Variants in SRPK2 observed in about 807,000 individuals in gnomAD.
SRPK2 encodes the protein SRSF protein kinase 2.
Under a neutral mutation model 90.8 loss-of-function variants are expected in SRPK2, and 21 were observed. The ratio of observed to expected loss-of-function variants is 0.23; its 90% CI spans 0.16 to 0.33. The LOEUF is 0.33. SRPK2 is among the 10% of genes least tolerant of loss of function. The probability of loss-of-function intolerance (pLI) is 1.00; values close to 1 mark genes in which losing one functional copy is unlikely to be tolerated. For synonymous variants in SRPK2, 288 were observed against 311.1 expected (o/e 0.93, Z 0.78); for missense variants, 620 against 869.0 (o/e 0.71, Z 3.60).
At chr7:105,315,710 A>G (rs1812231055) in intron 2 of SRPK2, among the ~76,000 whole-genome samples, 1 of 152,218 alleles carries the variant, frequency 6.6e-6, no homozygotes, top group Admixed American at 6.5e-5. Flanking sequence ...ACATAATATC[A>G]AGCTAAATAT....
At chr7:105,276,320 C>A (rs951454815) in intron 2 of SRPK2, among the ~76,000 whole-genome samples, 3 of 151,642 alleles carry the variant, frequency 2.0e-5, no homozygotes, top group Non-Finnish European at 4.4e-5. Flanking sequence ...CTCAACCGAT[C>A]CTCCCACCTT....
rs139140254 is a variant in SRPK2 at position 105,118,110 on chromosome 7, G to A, written c.1916-88C>T. 6.0e-4 allele frequency: 834 copies of A among 1,388,172 alleles called. 4 individuals are homozygous for A. The African/African-American group carries it at 7.0e-3, about 12-fold the overall frequency. 86.0% of individuals were successfully genotyped at this position (1,388,172 alleles called of 1,614,324 possible). On this transcript the variant is annotated intron_variant, in intron 15 of 15. Coordinates refer to ENST00000393651, the MANE Select transcript of SRPK2 (RefSeq NM_182692.3). ...CCAGTCAGGTTCTTTTCAGTGAAGC[G>A]GACAACCACCTGCTCAACACTTGTA...
chr7:105,294,554 T>A (rs528195670), intron 2 of SRPK2, among the ~76,000 whole-genome samples: 126 of 152,266 alleles, frequency 8.3e-4, no homozygotes, highest in African/African-American at 3.0e-3. Context: ...TTTTTTGAAA[T>A]GGAGTCTCTG....
chr7:105,218,617 C>T lies in SRPK2; in HGVS notation c.72-14832G>A, dbSNP rs538525871. ...AAAGGTTTAATGAAAAGGACCTCCA[C>T]TTATAATAAATGATGTTTCCTAAGA... On this transcript the variant is annotated intron_variant, in intron 2 of 15. Coordinates refer to ENST00000393651, the MANE Select transcript of SRPK2 (RefSeq NM_182692.3). Among the ~76,000 whole-genome samples the T allele has an allele frequency of 4.6e-5, 7 of 152,324 alleles. No individual in the cohort carries two copies. The East Asian group carries it at 1.3e-3, about 29-fold the overall frequency.
At chr7:105,243,004 G>A (rs1286332292) in intron 2 of SRPK2, among the ~76,000 whole-genome samples, 2 of 152,068 alleles carry the variant, frequency 1.3e-5, no homozygotes, top group Admixed American at 6.5e-5. Flanking sequence ...CATTCTAATC[G>A]TTTTTTATTC....
chr7:105,265,457 T>C lies in SRPK2; in HGVS notation c.72-61672A>G, dbSNP rs551029250. On this transcript the variant is annotated intron_variant, in intron 2 of 15. Coordinates refer to ENST00000393651, the MANE Select transcript of SRPK2 (RefSeq NM_182692.3). ...GGATTTTGATATCTATGGGGGGTCA[T>C]GGAACCAATCAATCCCCCTTGGACA... 3.3e-5 allele frequency among the ~76,000 whole-genome samples: 5 copies of C among 152,202 alleles called. No individual in the cohort carries two copies. The East Asian group carries it at 7.7e-4, about 24-fold the overall frequency.
At chr7:105,339,820 G>T (rs1815531725) in intron 2 of SRPK2, among the ~76,000 whole-genome samples, 1 of 152,126 alleles carries the variant, frequency 6.6e-6, no homozygotes, top group East Asian at 1.9e-4. Context: ...TAGCACTCTG[G>T]AAGGCCAAGG....
chr7:105,320,424 AGT>A (rs1812811215), intron 2 of SRPK2, among the ~76,000 whole-genome samples: 1 of 152,222 alleles, frequency 6.6e-6, no homozygotes. Flanking sequence ...AAATTTCTTC[AGT>A]GTTTTTCAGT....
chr7:105,206,094 C>A (rs564423682), intron 2 of SRPK2: 5 of 481,942 alleles, frequency 1.0e-5, no homozygotes, highest in South Asian at 6.1e-5. Context: ...CTGTGGGATG[C>A]TTTTCACCAT....
At chr7:105,159,446 T>TC (rs78220463) in intron 7 of SRPK2, among the ~76,000 whole-genome samples, 3 of 5,678 alleles carry the variant, frequency 5.3e-4, no homozygotes, top group Non-Finnish European at 1.5e-3. Flanking sequence ...AGACTCCGTC[T>TC]CCAAAAAAAA....
intron 2 of SRPK2, among the ~76,000 whole-genome samples, chr7:105,349,037 T>C (rs1471854180): frequency 6.6e-6 from 1 of 151,252 alleles, no homozygotes; most frequent in African/African-American, 2.4e-5. Context: ...TCCTAGCTAC[T>C]TGGAAGGCAG....
intron 6 of SRPK2, among the ~76,000 whole-genome samples, 184 bp from the exon 7 acceptor site, chr7:105,160,797 A>G (rs74899150): frequency 0.018 from 2,724 of 152,352 alleles, 85 homozygotes; most frequent in African/African-American, 0.062. Flanking sequence ...TGACATTACT[A>G]AATACAGGTG....
In SRPK2 at chr7:105,386,324, A is replaced by C. The variant is rs936087900; in HGVS notation, c.71+2324T>G. ...GCAAGACTCGGTCTCAAAAAAAAAA[A>C]AAAAACAACCTCTAACACCATCTCC... On this transcript the variant is annotated intron_variant, in intron 2 of 15. Coordinates refer to ENST00000393651, the MANE Select transcript of SRPK2 (RefSeq NM_182692.3). Among the ~76,000 whole-genome samples, 95 of 134,032 alleles carry C rather than the reference A, an allele frequency of 7.1e-4. 2 individuals carry two copies. The South Asian group carries it at 0.024, about 34-fold the overall frequency. 87.9% of individuals were successfully genotyped at this position (134,032 alleles called of 152,430 possible).
At chr7:105,388,619 G>C in intron 2 of SRPK2, 29 bp downstream of exon 2, 2 of 1,560,204 alleles carry the variant, frequency 1.3e-6, no homozygotes, top group Non-Finnish European at 1.7e-6. Context: ...CGGGGGTGGG[G>C]AACGGGGACA....
chr7:105,359,977 G>T, intron 2 of SRPK2, among the ~76,000 whole-genome samples: 1 of 152,094 alleles, frequency 6.6e-6, no homozygotes, highest in East Asian at 1.9e-4. Context: ...TGACAGTGGG[G>T]TGTTAAAGTC....
At chr7:105,317,491 T>C (rs938066768) in intron 2 of SRPK2, among the ~76,000 whole-genome samples, 1 of 152,228 alleles carries the variant, frequency 6.6e-6, no homozygotes, top group Non-Finnish European at 1.5e-5. Flanking sequence ...GCAAGGCTTA[T>C]TAACAGACAA....
intron 11 of SRPK2, among the ~76,000 whole-genome samples, chr7:105,138,044 T>C (rs1803142261): frequency 6.6e-6 from 1 of 152,144 alleles, no homozygotes; most frequent in Admixed American, 6.6e-5. Context: ...TTTGCCAATA[T>C]TAAAATGCTC....
intron 2 of SRPK2, among the ~76,000 whole-genome samples, chr7:105,313,220 C>T (rs1001117783): frequency 1.4e-4 from 21 of 150,118 alleles, no homozygotes; most frequent in African/African-American, 3.9e-4. Context: ...CCAACATGGG[C>T]GGATTGCCTG....
chr7:105,223,301 G>C (rs556248502), intron 2 of SRPK2, among the ~76,000 whole-genome samples: 8 of 152,350 alleles, frequency 5.3e-5, no homozygotes, highest in African/African-American at 1.9e-4. Flanking sequence ...GGCCTCCAAA[G>C]AGGCTCCTAA....
Sources: allele counts gnomAD v4.1 joint callset (sites outside exome capture counted in the v4.1 genomes callset), GRCh38; gene constraint gnomAD v4.1.1; transcripts MANE v1.5; gene names NCBI Gene and HGNC (gene_info 2026-07-23, HGNC 2026-07-21).